CRY1: variants seen among roughly 807,000 people sequenced by gnomAD.
The protein encoded by CRY1 is cryptochrome circadian regulator 1.
Under a neutral mutation model 76.0 loss-of-function variants are expected in CRY1, and 45 were observed. The ratio of observed to expected loss-of-function variants is 0.59; its 90% CI spans 0.47 to 0.76. The LOEUF (loss-of-function observed/expected upper bound fraction) is 0.76. CRY1 is among the 30% of genes least tolerant of loss of function. The probability of loss-of-function intolerance (pLI) is 0.00; values close to 1 mark genes in which losing one functional copy is unlikely to be tolerated. For synonymous variants in CRY1, 248 were observed against 244.0 expected, an observed-to-expected ratio of 1.02 and a Z score of -0.15; for missense variants, 587 against 716.4, an observed-to-expected ratio of 0.82 and a Z score of 2.06.
intron 1 of CRY1, among the ~76,000 whole-genome samples, chr12:107,029,908 T>C (rs1451641587): frequency 6.6e-6 from 1 of 152,206 alleles, no homozygotes; most frequent in Non-Finnish European, 1.5e-5. Flanking sequence ...AAATCATTTC[T>C]GGATTTTTCT....
At chr12:107,027,411 G>A (rs1013221609) in intron 1 of CRY1, among the ~76,000 whole-genome samples, 3 of 152,010 alleles carry the variant, frequency 2.0e-5, no homozygotes, top group Admixed American at 6.6e-5. Context: ...TGATGGCTCC[G>A]TTATTACTGC....
chr12:107,037,097 C>T (rs1952742286), intron 1 of CRY1, among the ~76,000 whole-genome samples: 1 of 152,046 alleles, frequency 6.6e-6, no homozygotes, highest in African/African-American at 2.4e-5. Flanking sequence ...ATGAAGATGA[C>T]ATGTGAGCAG....
At chr12:107,028,821 T>C (rs974726309) in intron 1 of CRY1, among the ~76,000 whole-genome samples, 2 of 152,194 alleles carry the variant, frequency 1.3e-5, no homozygotes, top group African/African-American at 4.8e-5. Flanking sequence ...GGTGATGTGA[T>C]TTTCTGAAAT....
In CRY1 at chr12:107,076,240, AT is replaced by A. The variant is rs897927224; in HGVS notation, c.158+16563del. ...CTATCAAATTAATGCACACTTTTCT[AT>A]TTTTTTTTTAAATGATTTCCTTTTT... On this transcript the variant is annotated intron_variant, in intron 1 of 12. Coordinates refer to ENST00000008527, the MANE Select transcript of CRY1 (RefSeq NM_004075.5). Among the ~76,000 whole-genome samples, 814 of 149,912 alleles carry A rather than the reference AT, an allele frequency of 5.4e-3. 9 individuals carry two copies. Among genetic ancestry groups the A allele is most frequent in the African/African-American group, 0.018 (735 of 40,874 alleles).
chr12:106,993,123 C>T, intron 10 of CRY1, 87 bp from the exon 11 acceptor site: 1 of 1,266,430 alleles, frequency 7.9e-7, no homozygotes, highest in Non-Finnish European at 1.1e-6. Flanking sequence ...ACTTTTAGCG[C>T]TTGTACTTAA....
intron 1 of CRY1, among the ~76,000 whole-genome samples, chr12:107,034,944 G>T (rs1472962138): frequency 6.6e-6 from 1 of 152,164 alleles, no homozygotes; most frequent in East Asian, 1.9e-4. Context: ...TTATAGTCCA[G>T]AAATTGTATT....
intron 1 of CRY1, among the ~76,000 whole-genome samples, chr12:107,084,329 A>G (rs1953367831): frequency 6.6e-6 from 1 of 152,192 alleles, no homozygotes; most frequent in African/African-American, 2.4e-5. Flanking sequence ...AGAAACAACT[A>G]CTTTAAATTT....
rs1007999537 is a variant in CRY1 at position 106,997,855 on chromosome 12, C to T, written c.1289+60G>A. On this transcript the variant is annotated intron_variant, in intron 8 of 12. Coordinates refer to ENST00000008527, the MANE Select transcript of CRY1 (RefSeq NM_004075.5). Reference sequence around the variant, plus strand: ...GGGAATACTTTAAGCATTGATTAAACATGAAAAGCTCTTCTTGAATTAACT... The same window carrying T: ...GGGAATACTTTAAGCATTGATTAAATATGAAAAGCTCTTCTTGAATTAACT... 2.1e-5 allele frequency: 34 copies of T among 1,582,682 alleles called. No individual in the cohort carries two copies. In the Admixed American group the frequency reaches 5.9e-4, roughly 27 times the overall value.
At chr12:107,065,900 G>A (rs1953104330) in intron 1 of CRY1, among the ~76,000 whole-genome samples, 1 of 152,110 alleles carries the variant, frequency 6.6e-6, no homozygotes. Flanking sequence ...AAGTACACAT[G>A]CTCAACCCAG....
rs1369209629 is a variant in CRY1 at position 107,075,006 on chromosome 12, ACTCTGT to A, written c.158+17792_158+17797del. Reference sequence around the variant, plus strand: ...CTCTAGCCTGGGCAACAAGAGTGAAACTCTGTCTCAAAAAAAAAACAACAAAAAACA... The same window carrying A: ...CTCTAGCCTGGGCAACAAGAGTGAAACTCAAAAAAAAAACAACAAAAAACA... On this transcript the variant is annotated intron_variant, in intron 1 of 12. Transcript: ENST00000008527. 7.1e-5 allele frequency among the ~76,000 whole-genome samples: 10 copies of A among 141,404 alleles called. No homozygotes were observed. In the Admixed American group the frequency reaches 7.8e-4, roughly 11 times the overall value. The allele number at this position is 141,404 out of a possible 152,430, so 92.8% of individuals were successfully genotyped here. A position where few individuals can be genotyped will look rare whatever the true frequency, so the allele number is the denominator to read the frequency against.
rs150031873 is a variant in CRY1, at chr12:107,061,677, C to T, written c.158+31127G>A. On this transcript the variant is annotated intron_variant, in intron 1 of 12. Transcript: ENST00000008527. ...GATCACAGGCATGAGCCACTGCGCC[C>T]GGCCCCTAATACATTCTTTAGTTGC... Among the ~76,000 whole-genome samples the T allele has an allele frequency of 6.9e-3, 1,044 of 152,180 alleles. 18 individuals are homozygous for T. Among genetic ancestry groups the T allele is most frequent in the African/African-American group, 0.024 (999 of 41,520 alleles).
intron 1 of CRY1, among the ~76,000 whole-genome samples, chr12:107,084,672 C>T (rs1041705467): frequency 2.6e-5 from 4 of 152,162 alleles, no homozygotes; most frequent in Non-Finnish European, 5.9e-5. Flanking sequence ...AAAATTCACT[C>T]AAGACGAATT....
chr12:107,020,186 C>CAAAAAAAAAA (rs5800723), intron 2 of CRY1, among the ~76,000 whole-genome samples: 1 of 134,808 alleles, frequency 7.4e-6, no homozygotes. Flanking sequence ...TTCATACAAG[C>CAAAAAAAAAA]AAAAAAAAAA....
At chr12:107,045,864 A>G (rs1039455780) in intron 1 of CRY1, among the ~76,000 whole-genome samples, 23 of 152,268 alleles carry the variant, frequency 1.5e-4, no homozygotes, top group Non-Finnish European at 2.1e-4. Flanking sequence ...AATGTAAATG[A>G]TAAGTTAATG....
intron 1 of CRY1, among the ~76,000 whole-genome samples, chr12:107,067,989 T>C (rs747568640): frequency 1.3e-5 from 2 of 152,224 alleles, no homozygotes; most frequent in African/African-American, 2.4e-5. Context: ...GTTGCTATTA[T>C]ACACAGAATT....
At chr12:107,053,090 T>TA (rs1274405379) in intron 1 of CRY1, among the ~76,000 whole-genome samples, 7 of 151,822 alleles carry the variant, frequency 4.6e-5, no homozygotes, top group African/African-American at 1.5e-4. Context: ...ATGTTTAAAG[T>TA]AAAAAAAGCA....
intron 1 of CRY1, among the ~76,000 whole-genome samples, chr12:107,055,768 G>A (rs1160512892): frequency 6.6e-6 from 1 of 151,966 alleles, no homozygotes; most frequent in Non-Finnish European, 1.5e-5. Context: ...CCAGCACTTT[G>A]GGAGACTGAG....
Position 107,057,001 on chromosome 12 carries a change from T to C in CRY1, c.159-34809A>G, listed in dbSNP as rs543260413. Among the ~76,000 whole-genome samples, 5 of 152,232 alleles carry C rather than the reference T, an allele frequency of 3.3e-5. 1 individual carries two copies. The highest frequency in any genetic ancestry group is 1.3e-4 in the Admixed American group (2 of 15,284). ...TCACTAAAAAAAATTCTAAATGATA[T>C]ATTTTAGGCAGAAGTAAAGTGATTA... is the stretch of plus-strand genomic sequence containing the variant. On this transcript the variant is annotated intron_variant, in intron 1 of 12. Coordinates refer to ENST00000008527, the MANE Select transcript of CRY1 (RefSeq NM_004075.5).
chr12:107,084,406 G>A (rs899657769), intron 1 of CRY1, among the ~76,000 whole-genome samples: 8 of 152,196 alleles, frequency 5.3e-5, no homozygotes, highest in African/African-American at 1.9e-4. Context: ...AAAGCTGGAA[G>A]CATCATGCTA....
Sources: allele counts gnomAD v4.1 joint callset (sites outside exome capture counted in the v4.1 genomes callset), GRCh38; gene constraint gnomAD v4.1.1; transcripts MANE v1.5; gene names NCBI Gene and HGNC (gene_info 2026-07-23, HGNC 2026-07-21).